Variants in SENP5 observed in about 807,000 individuals in gnomAD.
SENP5 encodes the protein SUMO specific peptidase 5.
A neutral mutation model predicts 74.2 loss-of-function variants in SENP5; 21 were observed. The observed-to-expected ratio is 0.28, with a 90% confidence interval of 0.20 to 0.41. The LOEUF (loss-of-function observed/expected upper bound fraction) is 0.41, where lower values mean the gene tolerates loss of function less well. Ranked by LOEUF, SENP5 falls within the 10% of genes least tolerant of loss-of-function variation. The pLI is 1.00. For missense variants in SENP5, 717 were observed against 889.1 expected (o/e 0.81, Z 2.46); for synonymous variants, 311 against 312.7 (o/e 0.99, Z 0.06).
intron 1 of SENP5, among the ~76,000 whole-genome samples, chr3:196,879,635 A>G (rs1298473291): frequency 5.3e-5 from 8 of 152,016 alleles, no homozygotes; most frequent in African/African-American, 1.9e-4. Flanking sequence ...TTTGGATCTC[A>G]TTTCCTGCAT....
chr3:196,918,799 A>T (rs965734553), intron 6 of SENP5, among the ~76,000 whole-genome samples: 1 of 152,156 alleles, frequency 6.6e-6, no homozygotes, highest in African/African-American at 2.4e-5. Context: ...ACACAGACTG[A>T]AAGGGCTGGA....
chr3:196,923,378 G>C, intron 6 of SENP5, 36 bp from the exon 7 acceptor site: 2 of 1,586,018 alleles, frequency 1.3e-6, no homozygotes, highest in Non-Finnish European at 1.7e-6. Flanking sequence ...GATAGCCTGT[G>C]GTGATGGCTG....
Position 196,893,743 on chromosome 3 carries a change from C to T in SENP5, c.1514-5923C>T, listed in dbSNP as rs561575360. 2.6e-4 allele frequency among the ~76,000 whole-genome samples: 40 copies of T among 152,046 alleles called. 1 individual carries two copies. The South Asian group carries it at 3.7e-3, about 14-fold the overall frequency. On this transcript the variant is annotated intron_variant, in intron 2 of 9. Coordinates refer to ENST00000323460, the MANE Select transcript of SENP5 (RefSeq NM_152699.5). ...TGACCAATATGGTGAAACTCCGTCTCTACTAAAAATACAAAAATTAGCCAG... is the reference window on the plus strand; with the variant it reads ...TGACCAATATGGTGAAACTCCGTCTTTACTAAAAATACAAAAATTAGCCAG...
chr3:196,911,257 C>T (rs571172534), intron 6 of SENP5, among the ~76,000 whole-genome samples: 125 of 152,162 alleles, frequency 8.2e-4, no homozygotes, highest in Non-Finnish European at 1.6e-3. Flanking sequence ...AAGAAACTAT[C>T]ATCAGAGTGA....
intron 6 of SENP5, among the ~76,000 whole-genome samples, chr3:196,922,020 G>GGGA (rs1206868385): frequency 6.6e-6 from 1 of 152,156 alleles, no homozygotes; most frequent in Non-Finnish European, 1.5e-5. Flanking sequence ...AGATTGTAAA[G>GGGA]GGATATATAT....
At chr3:196,888,507 C>G (rs896972309) in intron 2 of SENP5, among the ~76,000 whole-genome samples, 5 of 151,840 alleles carry the variant, frequency 3.3e-5, no homozygotes, top group African/African-American at 1.2e-4. Flanking sequence ...TCGCTTGAAC[C>G]TGGGAGGCGG....
At position 196,931,053 on chromosome 3, in the gene SENP5, A is replaced by G. The variant is rs1039856842; in HGVS notation, c.*130A>G. The G allele has an allele frequency of 2.2e-5, 14 of 639,096 alleles. No homozygotes were observed. Among genetic ancestry groups the G allele is most frequent in the African/African-American group, 3.7e-5 (2 of 54,364 alleles). The allele number at this position is 639,096 out of a possible 1,614,324, so 39.6% of individuals were successfully genotyped here. On this transcript the variant is annotated 3_prime_UTR_variant, in exon 10 of 10. Transcript: ENST00000323460. ...GTGTTGGGCCACTATTGTTACCTCA[A>G]ATTTATTTTTTGCCCTTATTCATTT...
chr3:196,923,528 A>T lies in SENP5; in HGVS notation c.1999A>T (p.Ile667Phe), dbSNP rs1177791443. 1.2e-6 allele frequency: 2 copies of T among 1,608,454 alleles called. No individual in the cohort carries two copies. Among genetic ancestry groups the T allele is most frequent in the Non-Finnish European group, 1.7e-6 (2 of 1,176,842 alleles). Reference protein sequence around the residue: ...RIISFYDSQGIHFKFCVENIR... With the variant: ...RIISFYDSQGFHFKFCVENIR... The stretch of plus-strand genomic sequence containing the variant: ...TATTTCATTTTATGATTCCCAAGGC[A>T]TTCATTTTAAGTTTTGTGTAGAGGT... Residue 667 changes from isoleucine (I) to phenylalanine (F), a missense_variant, in exon 7 of 10, where the codon ATT (isoleucine) becomes TTT (phenylalanine). Physicochemically the swap from Ile to Phe is conservative, Grantham distance 21. This residue lies in a region of SENP5 where 85 missense variants were observed against 188.9 expected (regional missense o/e 0.45). Transcript: ENST00000323460.
At chr3:196,900,739 C>CCA (rs1714665270) in intron 5 of SENP5, among the ~76,000 whole-genome samples, 2 of 152,042 alleles carry the variant, frequency 1.3e-5, no homozygotes, top group Non-Finnish European at 2.9e-5. Context: ...GCATGTGCCA[C>CCA]CATGCCTGGC....
rs572807651 is a variant in SENP5 at position 196,870,326 on chromosome 3, G to A, written c.-32+2253G>A. ...ATATTTTCAAAATTAAGGTAAATAG[G>A]CCATCAGGCTGCGTTGAACTTTCTC... On this transcript the variant is annotated intron_variant, in intron 1 of 9. Transcript: ENST00000323460. Among the ~76,000 whole-genome samples the A allele has an allele frequency of 1.6e-4, 25 of 152,096 alleles. No homozygotes were observed. In the South Asian group the frequency reaches 3.7e-3, roughly 23 times the overall value.
At chr3:196,907,995 C>T (rs566513070) in intron 6 of SENP5, among the ~76,000 whole-genome samples, 10 of 152,184 alleles carry the variant, frequency 6.6e-5, no homozygotes, top group Admixed American at 1.3e-4. Context: ...AGAGGCTGGG[C>T]GCTGTGTCTC....
chr3:196,910,643 G>T (rs1349277509), intron 6 of SENP5, among the ~76,000 whole-genome samples: 2 of 151,808 alleles, frequency 1.3e-5, no homozygotes, highest in African/African-American at 4.8e-5. Flanking sequence ...ACCACTCCTG[G>T]CTGCCCAAAG....
rs751925164 is a variant in SENP5 at position 196,886,100 on chromosome 3, T to G, written c.919T>G (p.Phe307Val). The change falls in exon 2 of 10, where the codon TTT (phenylalanine) becomes GTT (valine). Residue 307 changes from phenylalanine to valine, a missense_variant. Coordinates refer to ENST00000323460, the MANE Select transcript of SENP5 (RefSeq NM_152699.5). ...CCCTTCTTGTCGGCATCAGCCGTAC[T>G]TTCCAGATATGGACAGCAGTGCTGT... ...KDPSCRHQPY[F>V]PDMDSSAVVK... 6.2e-7 allele frequency: 1 copy of G among 1,614,222 alleles called. No homozygotes were observed. The highest frequency in any genetic ancestry group is 8.5e-7 in the Non-Finnish European group (1 of 1,180,030).
At chr3:196,887,399 C>T (rs760366734) in intron 2 of SENP5, among the ~76,000 whole-genome samples, 6 of 151,948 alleles carry the variant, frequency 3.9e-5, no homozygotes, top group Admixed American at 6.6e-5. Context: ...AGGCTGGTCT[C>T]GACCTCCTGA....
chr3:196,926,162 T>C (rs1314989242), intron 7 of SENP5, among the ~76,000 whole-genome samples: 2 of 152,154 alleles, frequency 1.3e-5, no homozygotes, highest in South Asian at 4.1e-4. Flanking sequence ...TAAGGACAAA[T>C]CCTTTTTGCC....
rs556392876 is a variant in SENP5, at chr3:196,922,320, A to T, written c.1885-1094A>T. Among the ~76,000 whole-genome samples the T allele has an allele frequency of 2.6e-5, 4 of 152,348 alleles. No homozygotes were observed. In the East Asian group the frequency reaches 7.7e-4, roughly 29 times the overall value. ...CAGTCATGTGACTAATACGTGGAAG[A>T]GCCACAATTTGAACTTGAGCAGACT... On this transcript the variant is annotated intron_variant, in intron 6 of 9. Coordinates refer to ENST00000323460, the MANE Select transcript of SENP5 (RefSeq NM_152699.5).
chr3:196,908,250 T>G (rs981310594), intron 6 of SENP5, among the ~76,000 whole-genome samples: 21 of 152,080 alleles, frequency 1.4e-4, no homozygotes, highest in Admixed American at 3.9e-4. Flanking sequence ...ACTGCACTCC[T>G]GCCTGGGTGA....
chr3:196,884,670 T>G (rs1410717057), intron 1 of SENP5, among the ~76,000 whole-genome samples: 2 of 129,586 alleles, frequency 1.5e-5, no homozygotes, highest in African/African-American at 7.5e-5. Context: ...ATCAGTTTTT[T>G]TTTGTTTTTT....
chr3:196,873,506 T>C (rs1713310230), intron 1 of SENP5, among the ~76,000 whole-genome samples: 1 of 152,208 alleles, frequency 6.6e-6, no homozygotes, highest in African/African-American at 2.4e-5. Flanking sequence ...GGTTTATGTA[T>C]TTCACTGTAG....
Sources: allele counts gnomAD v4.1 joint callset (sites outside exome capture counted in the v4.1 genomes callset), GRCh38; gene constraint gnomAD v4.1.1; regional missense constraint gnomAD v4.1.1; transcripts MANE v1.5; gene names NCBI Gene and HGNC (gene_info 2026-07-23, HGNC 2026-07-21).